PRELID2: variants seen among roughly 807,000 people sequenced by gnomAD.
The protein encoded by PRELID2 is PRELI domain-containing protein 2.
PRELID2 carries 25 observed loss-of-function variants against 28.4 expected under a neutral mutation model. That is an observed-to-expected ratio of 0.88 (90% confidence interval 0.64 to 1.23). The LOEUF is 1.23. Ranked by LOEUF, PRELID2 falls within the 50% of genes most tolerant of loss-of-function variation. The pLI is 0.00. For missense variants in PRELID2, 201 were observed against 214.4 expected, an observed-to-expected ratio of 0.94 and a Z score of 0.39; for synonymous variants, 76 against 71.6, an observed-to-expected ratio of 1.06 and a Z score of -0.31.
chr5:145,349,504 T>C, the PRELID2 span, among the ~76,000 whole-genome samples: 1 of 152,042 alleles, frequency 6.6e-6, no homozygotes, highest in East Asian at 1.9e-4. Flanking sequence ...ATTTTTTTTT[T>C]ACAAATCCTG....
chr5:145,356,840 T>C, the PRELID2 span, among the ~76,000 whole-genome samples: 5 of 152,142 alleles, frequency 3.3e-5, no homozygotes, highest in African/African-American at 1.2e-4. Flanking sequence ...GTGGTTGTTT[T>C]AGAGTGTCAA....
chr5:145,348,836 C>T, the PRELID2 span, among the ~76,000 whole-genome samples: 1 of 152,008 alleles, frequency 6.6e-6, no homozygotes, highest in Non-Finnish European at 1.5e-5. Flanking sequence ...AATGTTGAAA[C>T]TTTTCAACAA....
the PRELID2 span, among the ~76,000 whole-genome samples, chr5:145,346,945 G>A: frequency 3.3e-5 from 5 of 152,096 alleles, no homozygotes; most frequent in Admixed American, 2.6e-4. Flanking sequence ...TGCTTGATCT[G>A]GATAAAGAAA....
At chr5:145,794,183 G>T (rs953799430) in intron 5 of PRELID2, among the ~76,000 whole-genome samples, 68 of 152,240 alleles carry the variant, frequency 4.5e-4, no homozygotes, top group African/African-American at 1.6e-3. Context: ...AGAAAGAGTG[G>T]AATAAAATAG....
chr5:145,409,750 GAAAA>G, the PRELID2 span, among the ~76,000 whole-genome samples: 1 of 104,990 alleles, frequency 9.5e-6, no homozygotes. Flanking sequence ...CATCTCTACT[GAAAA>G]AAAAAAAAAA....
intron 5 of PRELID2, 80 bp from the exon 6 acceptor site, chr5:145,765,080 C>G (rs1757666773): frequency 1.1e-5 from 11 of 965,394 alleles, no homozygotes; most frequent in Non-Finnish European, 1.7e-5. Context: ...CTTTTCCCTT[C>G]AAAGAATCCA....
At chr5:145,654,313 A>C (rs1308336120) in intron 1 of PRELID2, among the ~76,000 whole-genome samples, 1 of 152,252 alleles carries the variant, frequency 6.6e-6, no homozygotes, top group Non-Finnish European at 1.5e-5. Context: ...GAATTCTACC[A>C]GATGTACAAG....
chr5:145,307,061 G>C, the PRELID2 span, among the ~76,000 whole-genome samples: 1 of 152,080 alleles, frequency 6.6e-6, no homozygotes. Context: ...AATGGACCTG[G>C]TCAAAAATTG....
the PRELID2 span, among the ~76,000 whole-genome samples, chr5:145,372,225 G>A: frequency 3.9e-5 from 6 of 152,180 alleles, no homozygotes; most frequent in South Asian, 1.2e-3. Context: ...TCAGGAGCAG[G>A]TTGTTCAATG....
the PRELID2 span, among the ~76,000 whole-genome samples, chr5:145,339,631 G>A: frequency 4.6e-5 from 7 of 152,150 alleles, no homozygotes; most frequent in African/African-American, 1.4e-4. Context: ...GGCCAAGAAG[G>A]AAGATGAGAA....
chr5:145,627,086 T>A (rs1405734878), intron 1 of PRELID2, among the ~76,000 whole-genome samples: 2 of 69,348 alleles, frequency 2.9e-5, no homozygotes, highest in African/African-American at 5.3e-5. Flanking sequence ...GGTGACAGAG[T>A]AAGACTCTCC....
chr5:145,410,630 T>C, the PRELID2 span, among the ~76,000 whole-genome samples: 16 of 152,050 alleles, frequency 1.1e-4, no homozygotes, highest in Non-Finnish European at 2.1e-4. Context: ...TCATGAGAAC[T>C]CACTCACTAT....
chr5:145,381,955 A>AG, the PRELID2 span, among the ~76,000 whole-genome samples: 2 of 133,576 alleles, frequency 1.5e-5, no homozygotes, highest in Non-Finnish European at 3.3e-5. Flanking sequence ...GGGATTACTT[A>AG]GTTTTTTTTT....
chr5:145,254,471 A>G, the PRELID2 span, among the ~76,000 whole-genome samples: 1 of 152,102 alleles, frequency 6.6e-6, no homozygotes, highest in African/African-American at 2.4e-5. Context: ...CCTCATGGAA[A>G]AGATACCAAG....
At chr5:145,591,188 C>G (rs186739941) in intron 1 of PRELID2, among the ~76,000 whole-genome samples, 21 of 151,720 alleles carry the variant, frequency 1.4e-4, no homozygotes, top group Admixed American at 3.3e-4. Context: ...CCCAGCTACT[C>G]AAGAGACTGA....
chr5:145,542,744 T>C (rs1289048859), intron 1 of PRELID2, among the ~76,000 whole-genome samples: 2 of 143,524 alleles, frequency 1.4e-5, no homozygotes, highest in Admixed American at 1.4e-4. Context: ...TAAATATACA[T>C]TGTAATTTCT....
At chr5:145,353,307 C>CAA in the PRELID2 span, among the ~76,000 whole-genome samples, 3 of 151,482 alleles carry the variant, frequency 2.0e-5, no homozygotes, top group African/African-American at 7.3e-5. Context: ...CACACACACA[C>CAA]AAAAAATCAG....
At chr5:145,261,309 C>T in the PRELID2 span, among the ~76,000 whole-genome samples, 2 of 152,180 alleles carry the variant, frequency 1.3e-5, no homozygotes, top group South Asian at 4.1e-4. Context: ...AAGCTTGTAT[C>T]CTCCCTATGT....
chr5:145,266,815 T>A, the PRELID2 span, among the ~76,000 whole-genome samples: 1 of 151,922 alleles, frequency 6.6e-6, no homozygotes, highest in Admixed American at 6.6e-5. Flanking sequence ...AATGAGTGGA[T>A]AAATAAAATT....
Sources: allele counts gnomAD v4.1 joint callset (sites outside exome capture counted in the v4.1 genomes callset), GRCh38; gene constraint gnomAD v4.1.1; transcripts MANE v1.5; gene names NCBI Gene and HGNC (gene_info 2026-07-23, HGNC 2026-07-21).